The following TENM1 variants were observed in gnomAD, a reference collection of about 807,000 sequenced individuals.
TENM1 encodes the protein teneurin-1.
In TENM1, 35 loss-of-function variants were observed where a neutral mutation model predicts 174.8. The ratio of observed to expected loss-of-function variants is 0.20; its 90% CI spans 0.15 to 0.27. The LOEUF is 0.27. Ranked by LOEUF, TENM1 falls within the 10% of genes least tolerant of loss-of-function variation. TENM1 has a pLI of 1.00. For missense variants in TENM1, 1,633 were observed against 2,130.1 expected (o/e 0.77, Z 4.59); for synonymous variants, 781 against 798.7 (o/e 0.98, Z 0.37).
chrX:124,388,077 C>T (rs974793628), intron 28 of TENM1, among the ~76,000 whole-genome samples: 2 of 112,156 alleles, frequency 1.8e-5, no homozygotes, highest in African/African-American at 6.5e-5. Context: ...TTTGCATTAT[C>T]TCTAGTCTGA....
chrX:124,420,868 A>G (rs747466436), intron 24 of TENM1, 47 bp from the exon 28 acceptor site: 44 of 1,095,216 alleles, frequency 4.0e-5, no homozygotes, highest in Middle Eastern at 2.6e-4. Context: ...ATAAGCATTT[A>G]CATGAACATA....
chrX:124,974,560 T>C, the TENM1 span, among the ~76,000 whole-genome samples: 1 of 110,929 alleles, frequency 9.0e-6, no homozygotes, highest in African/African-American at 3.3e-5. Flanking sequence ...AATTCTACAA[T>C]TAAATAGCGA....
the TENM1 span, among the ~76,000 whole-genome samples, chrX:125,123,268 T>A: frequency 9.1e-6 from 1 of 110,117 alleles, no homozygotes; most frequent in African/African-American, 3.3e-5. Flanking sequence ...ATAAATAAGG[T>A]TGTGAAAAAT....
intron 3 of TENM1, among the ~76,000 whole-genome samples, chrX:124,819,451 G>C (rs993592285): frequency 1.8e-5 from 2 of 111,130 alleles, no homozygotes; most frequent in Non-Finnish European, 3.8e-5. Flanking sequence ...CATTGGCAGA[G>C]TATAGACCAG....
intron 3 of TENM1, among the ~76,000 whole-genome samples, chrX:124,751,896 G>A (rs1330785839): frequency 9.1e-6 from 1 of 110,392 alleles, no homozygotes; most frequent in Non-Finnish European, 1.9e-5. Flanking sequence ...TATCATTGTT[G>A]GACATTTGGG....
At chrX:125,051,596 G>C in the TENM1 span, among the ~76,000 whole-genome samples, 7 of 108,521 alleles carry the variant, frequency 6.5e-5, no homozygotes, top group East Asian at 1.5e-3. Context: ...AATGGGGAAA[G>C]GATTCCCTAT....
chrX:124,878,976 TA>T (rs1293412663), intron 3 of TENM1, among the ~76,000 whole-genome samples: 2 of 112,349 alleles, frequency 1.8e-5, no homozygotes, highest in African/African-American at 6.5e-5. Flanking sequence ...GGATGACATT[TA>T]TTTTTTTAAA....
chrX:124,542,244 T>C (rs1414646308), intron 15 of TENM1, among the ~76,000 whole-genome samples: 2 of 112,481 alleles, frequency 1.8e-5, no homozygotes, highest in African/African-American at 6.5e-5. Flanking sequence ...ATTTGCTACA[T>C]AGCAGTAGAT....
chrX:124,909,109 T>G (rs1427160712), intron 1 of TENM1, among the ~76,000 whole-genome samples: 1 of 112,350 alleles, frequency 8.9e-6, no homozygotes, highest in East Asian at 2.8e-4. Context: ...TATGCCCGCC[T>G]CGGCCTCCCA....
chrX:124,534,491 T>C lies in TENM1; in HGVS notation c.2652-4508A>G, dbSNP rs142391639. ...TGGTTTGAAAAACAAGGCTGAAAAC[T>C]AAATTGCTGAAAGAAGATGCAATTT... On this transcript the variant is annotated intron_variant, in intron 15 of 31. Coordinates refer to ENST00000422452, the Ensembl canonical transcript of TENM1. Among the ~76,000 whole-genome samples, 1,014 of 112,129 alleles carry C rather than the reference T, an allele frequency of 9.0e-3. 3 individuals are homozygous for C. The highest frequency in any genetic ancestry group is 0.028 in the Middle Eastern group (6 of 215).
chrX:125,168,682 C>A, the TENM1 span, among the ~76,000 whole-genome samples: 1 of 110,873 alleles, frequency 9.0e-6, no homozygotes, highest in Admixed American at 9.7e-5. Context: ...GCAGCAGAGA[C>A]TATCGGTCTC....
intron 15 of TENM1, among the ~76,000 whole-genome samples, chrX:124,537,733 G>A (rs889148550): frequency 1.4e-4 from 16 of 111,754 alleles, no homozygotes; most frequent in African/African-American, 4.9e-4. Context: ...GTCCTCTCCA[G>A]GGACAAAATG....
chrX:124,610,544 C>T (rs1314446689), intron 11 of TENM1, among the ~76,000 whole-genome samples: 1 of 110,929 alleles, frequency 9.0e-6, no homozygotes, highest in Non-Finnish European at 1.9e-5. Flanking sequence ...AAGTATTGTA[C>T]TTCTTCCTAC....
chrX:125,199,894 A>G, the TENM1 span, among the ~76,000 whole-genome samples: 2 of 111,461 alleles, frequency 1.8e-5, no homozygotes, highest in Admixed American at 1.9e-4. Flanking sequence ...CCTCAGCCCT[A>G]TTTTTCATGG....
intron 3 of TENM1, among the ~76,000 whole-genome samples, chrX:124,891,673 A>T (rs1389646256): frequency 3.7e-5 from 4 of 109,299 alleles, no homozygotes; most frequent in African/African-American, 1.3e-4. Flanking sequence ...AAAAAAAATC[A>T]CATGTACCCA....
At chrX:124,805,968 C>T (rs755166809) in intron 3 of TENM1, among the ~76,000 whole-genome samples, 127 of 110,549 alleles carry the variant, frequency 1.1e-3, no homozygotes, top group African/African-American at 4.0e-3. Flanking sequence ...GTGCCAGTGA[C>T]TGGCCATAAA....
intron 5 of TENM1, among the ~76,000 whole-genome samples, chrX:124,680,154 A>C (rs888913886): frequency 8.9e-6 from 1 of 111,740 alleles, no homozygotes; most frequent in Non-Finnish European, 1.9e-5. Context: ...AATTAAGAAA[A>C]GATTGAGATA....
chrX:124,588,139 C>T (rs1295361793), intron 11 of TENM1, among the ~76,000 whole-genome samples: 1,226 of 111,319 alleles, frequency 0.011, 22 homozygotes, highest in African/African-American at 0.037. Context: ...TAGCGATTTC[C>T]TCGGGGATCT....
chrX:125,200,926 G>A, the TENM1 span, among the ~76,000 whole-genome samples: 16 of 111,317 alleles, frequency 1.4e-4, no homozygotes, highest in Non-Finnish European at 2.8e-4. Context: ...CAAGCTTCAA[G>A]CAAAAATTAT....
Sources: gnomAD v4.1 joint callset for allele counts (sites outside exome capture counted in the v4.1 genomes callset) on GRCh38, gnomAD v4.1.1 for gene constraint, MANE v1.5 for transcripts, NCBI Gene and HGNC (gene_info 2026-07-23, HGNC 2026-07-21) for gene names.